YPEL2: variants seen among roughly 807,000 people sequenced by gnomAD.
YPEL2 encodes protein yippee-like 2.
YPEL2 carries 2 observed loss-of-function variants against 19.1 expected under a neutral mutation model. The observed-to-expected ratio is 0.10, with a 90% CI of 0.04 to 0.33. The LOEUF is 0.33. Among genes scored for constraint, YPEL2 ranks in the 10% least tolerant of loss-of-function variants. The pLI is 1.00. For missense variants in YPEL2, 66 were observed against 140.7 expected, an observed-to-expected ratio of 0.47 and a Z score of 2.68; for synonymous variants, 52 against 50.0, an observed-to-expected ratio of 1.04 and a Z score of -0.17.
rs187675194 is a variant in YPEL2 at position 59,353,668 on chromosome 17, C to A, written c.117+142C>A. The A allele has an allele frequency of 1.4e-4, 102 of 728,372 alleles. No homozygotes were observed. The African/African-American group carries it at 1.5e-3, about 10-fold the overall frequency. 45.1% of individuals were successfully genotyped at this position (728,372 alleles called of 1,614,324 possible). ...GGCTGACCCACGTGACCGTCTCACT[C>A]AACTGAGAAAAACTCTGAGTTGGAG... On this transcript the variant is annotated intron_variant, in intron 2 of 4. Coordinates refer to ENST00000312655, the MANE Select transcript of YPEL2 (RefSeq NM_001005404.4). The surrounding 1 kb of genome is among the most constrained non-coding windows in gnomAD (Gnocchi z 4.8).
At chr17:59,394,338 T>G (rs1273666557) in intron 4 of YPEL2, among the ~76,000 whole-genome samples, 1 of 131,340 alleles carries the variant, frequency 7.6e-6, no homozygotes, top group Admixed American at 7.6e-5. Flanking sequence ...CCAGACGGGG[T>G]CGCGGCCGGG....
chr17:59,380,508 G>A (rs1318570488), intron 2 of YPEL2, among the ~76,000 whole-genome samples: 1 of 152,130 alleles, frequency 6.6e-6, no homozygotes, highest in Non-Finnish European at 1.5e-5. Flanking sequence ...GACCTCAAGT[G>A]ATCTGCCCTC....
intron 2 of YPEL2, among the ~76,000 whole-genome samples, chr17:59,370,314 CG>C (rs2047890710): frequency 6.6e-6 from 1 of 152,184 alleles, no homozygotes; most frequent in South Asian, 2.1e-4. Flanking sequence ...CCGCCCGCCT[CG>C]GCCTCCCAAA....
chr17:59,343,159 C>T (rs2047739958), intron 1 of YPEL2, among the ~76,000 whole-genome samples: 1 of 152,178 alleles, frequency 6.6e-6, no homozygotes, highest in Admixed American at 6.5e-5. Context: ...CTTTGTAGAG[C>T]ATTAATGGTG....
chr17:59,400,166 AC>A lies in YPEL2; in HGVS notation c.*2977del, dbSNP rs1380653068. 1 of 152,610 alleles carries A rather than the reference AC, an allele frequency of 6.6e-6. No individual in the cohort carries two copies. The highest frequency in any genetic ancestry group is 1.5e-5 in the Non-Finnish European group (1 of 68,036). The allele number at this position is 152,610 out of a possible 1,614,324, so 9.5% of individuals were successfully genotyped here. On this transcript the variant is annotated 3_prime_UTR_variant, in exon 5 of 5. Coordinates refer to ENST00000312655, the MANE Select transcript of YPEL2 (RefSeq NM_001005404.4). Reference sequence around the variant, plus strand: ...CCAAACACAGCCAAACTCGATACCCACAAGCTGTCAGCTGAACCTGACTGAG... The same window carrying A: ...CCAAACACAGCCAAACTCGATACCCAAAGCTGTCAGCTGAACCTGACTGAG...
At chr17:59,335,071 G>A (rs866868853) in intron 1 of YPEL2, among the ~76,000 whole-genome samples, 32 of 152,184 alleles carry the variant, frequency 2.1e-4, no homozygotes, top group African/African-American at 7.7e-4. Context: ...AAGGTATAAA[G>A]TTTTGGAAAA....
At chr17:59,363,182 T>C (rs2047850384) in intron 2 of YPEL2, 1 of 151,998 alleles carries the variant, frequency 6.6e-6, no homozygotes, top group East Asian at 1.9e-4. Flanking sequence ...AGAGACAGGG[T>C]CTCGCTATGT....
intron 2 of YPEL2, among the ~76,000 whole-genome samples, chr17:59,370,084 T>C (rs2047889259): frequency 6.6e-6 from 1 of 152,096 alleles, no homozygotes; most frequent in Non-Finnish European, 1.5e-5. Flanking sequence ...TGAGACGGAG[T>C]CTCGCTCTGT....
chr17:59,332,501 C>T (rs937912075), intron 1 of YPEL2, among the ~76,000 whole-genome samples: 16 of 152,154 alleles, frequency 1.1e-4, no homozygotes, highest in African/African-American at 2.9e-4. Context: ...CGAGCGCCTC[C>T]CCGGAGCTGG....
At chr17:59,358,669 G>A (rs775280685) in intron 2 of YPEL2, among the ~76,000 whole-genome samples, 5 of 152,130 alleles carry the variant, frequency 3.3e-5, no homozygotes, top group Admixed American at 6.5e-5. Context: ...GAGTACAGTG[G>A]CACAATCTTG....
intron 2 of YPEL2, among the ~76,000 whole-genome samples, chr17:59,357,987 G>A (rs2047821440): frequency 6.6e-6 from 1 of 152,146 alleles, no homozygotes; most frequent in Admixed American, 6.5e-5. Flanking sequence ...TTACGCTATT[G>A]TTATGTCAGA....
At chr17:59,386,831 G>C (rs2047982529) in intron 2 of YPEL2, among the ~76,000 whole-genome samples, 1 of 152,226 alleles carries the variant, frequency 6.6e-6, no homozygotes, top group South Asian at 2.1e-4. Flanking sequence ...GAGAGAATTG[G>C]TTTGGGTCTG....
intron 2 of YPEL2, among the ~76,000 whole-genome samples, chr17:59,361,306 T>TGC (rs2047839660): frequency 6.6e-6 from 1 of 152,226 alleles, no homozygotes; most frequent in Non-Finnish European, 1.5e-5. Flanking sequence ...TGTGTGTGTG[T>TGC]GCGCGTGCAT....
intron 2 of YPEL2, among the ~76,000 whole-genome samples, chr17:59,361,968 T>G (rs2047843292): frequency 6.6e-6 from 1 of 152,164 alleles, no homozygotes; most frequent in Non-Finnish European, 1.5e-5. Context: ...GGGTAGAGGT[T>G]GAAAAACTGT....
intron 2 of YPEL2, among the ~76,000 whole-genome samples, chr17:59,378,001 T>G (rs2047930596): frequency 6.6e-6 from 1 of 152,182 alleles, no homozygotes. Context: ...GGCAATATGT[T>G]CCTCCTTTCT....
intron 1 of YPEL2, among the ~76,000 whole-genome samples, chr17:59,338,542 C>G (rs2047710770): frequency 6.6e-6 from 1 of 152,168 alleles, no homozygotes; most frequent in Non-Finnish European, 1.5e-5. Context: ...TTTACACATA[C>G]AGAAACATTC....
chr17:59,389,275 A>T, intron 3 of YPEL2, 85 bp from the exon 4 acceptor site: 1 of 1,258,654 alleles, frequency 7.9e-7, no homozygotes, highest in Non-Finnish European at 1.1e-6. Context: ...AGCCTTTCCC[A>T]GTTAATTTTT....
intron 1 of YPEL2, among the ~76,000 whole-genome samples, chr17:59,347,763 C>T (rs532225479): frequency 6.6e-6 from 1 of 152,090 alleles, no homozygotes; most frequent in African/African-American, 2.4e-5. Flanking sequence ...CAAAGAGATG[C>T]TTGAAGACAA....
At chr17:59,359,648 GAT>G (rs554774399) in intron 2 of YPEL2, among the ~76,000 whole-genome samples, 2 of 152,094 alleles carry the variant, frequency 1.3e-5, no homozygotes, top group Non-Finnish European at 2.9e-5. Flanking sequence ...ATATTCAGTG[GAT>G]ATATGACATA....
Sources: allele counts gnomAD v4.1 joint callset (sites outside exome capture counted in the v4.1 genomes callset), GRCh38; gene constraint gnomAD v4.1.1; non-coding constraint Gnocchi (gnomAD v3.1); transcripts MANE v1.5; gene names NCBI Gene and HGNC (gene_info 2026-07-23, HGNC 2026-07-21).